The following ELAVL4 variants were observed in gnomAD, a reference collection of about 807,000 sequenced individuals.
ELAVL4 encodes the protein ELAV-like protein 4.
A neutral mutation model predicts 35.6 loss-of-function variants in ELAVL4; 1 was observed. The observed-to-expected ratio is 0.03, with a 90% CI of 0.01 to 0.13. The LOEUF (loss-of-function observed/expected upper bound fraction) is 0.13. Among genes scored for constraint, ELAVL4 ranks in the 10% least tolerant of loss-of-function variants. ELAVL4 has a pLI of 1.00. For missense variants in ELAVL4, 267 were observed against 464.9 expected, an observed-to-expected ratio of 0.57 and a Z score of 3.91; for synonymous variants, 156 against 171.0, an observed-to-expected ratio of 0.91 and a Z score of 0.69.
At chr1:50,114,150 TTG>T (rs1298346065) in intron 1 of ELAVL4, among the ~76,000 whole-genome samples, 2 of 152,152 alleles carry the variant, frequency 1.3e-5, no homozygotes, top group African/African-American at 4.8e-5. Flanking sequence ...ATAACAATGT[TTG>T]TGAGCTAAAA....
At chr1:50,169,639 C>T (rs1297930797) in intron 2 of ELAVL4, among the ~76,000 whole-genome samples, 1 of 152,170 alleles carries the variant, frequency 6.6e-6, no homozygotes, top group African/African-American at 2.4e-5. Context: ...AACACATGCT[C>T]ACTAAATATC....
At chr1:50,086,468 TTCA>T (rs1464767285) in intron 1 of ELAVL4, among the ~76,000 whole-genome samples, 6 of 126,436 alleles carry the variant, frequency 4.7e-5, no homozygotes, top group Non-Finnish European at 6.6e-5. Context: ...CTTGGAACCA[TTCA>T]GCTTTTATAT....
chr1:50,130,493 T>A (rs1413829464), intron 1 of ELAVL4, among the ~76,000 whole-genome samples: 1 of 152,186 alleles, frequency 6.6e-6, no homozygotes, highest in African/African-American at 2.4e-5. Flanking sequence ...CCATTTCTTA[T>A]TAGTACCATT....
At chr1:50,114,251 G>T (rs893906719) in intron 1 of ELAVL4, among the ~76,000 whole-genome samples, 1 of 152,060 alleles carries the variant, frequency 6.6e-6, no homozygotes, top group South Asian at 2.1e-4. Context: ...GGGGGCGGTG[G>T]GCAGGATGTT....
chr1:50,139,590 T>C (rs1347309868), intron 1 of ELAVL4, among the ~76,000 whole-genome samples: 1 of 152,198 alleles, frequency 6.6e-6, no homozygotes, highest in Non-Finnish European at 1.5e-5. Flanking sequence ...CTAGCCATAG[T>C]GGAAGTAAAC....
At chr1:50,147,008 G>A (rs1365743342) in intron 2 of ELAVL4, among the ~76,000 whole-genome samples, 1 of 152,040 alleles carries the variant, frequency 6.6e-6, no homozygotes, top group Non-Finnish European at 1.5e-5. Context: ...AGGAGTGACA[G>A]CTTCGAAGAC....
chr1:50,125,385 AT>A (rs1669733152), intron 1 of ELAVL4, among the ~76,000 whole-genome samples: 1 of 152,058 alleles, frequency 6.6e-6, no homozygotes, highest in Admixed American at 6.5e-5. Flanking sequence ...TGAGGCCACA[AT>A]AGTTCAGCCA....
chr1:50,165,717 T>C (rs1290172147), intron 2 of ELAVL4, among the ~76,000 whole-genome samples: 1 of 148,160 alleles, frequency 6.7e-6, no homozygotes, highest in Non-Finnish European at 1.5e-5. Flanking sequence ...TACTTATATA[T>C]GTATATACAT....
chr1:50,068,023 T>C (rs1010201422), intron 1 of ELAVL4, among the ~76,000 whole-genome samples: 1 of 152,186 alleles, frequency 6.6e-6, no homozygotes, highest in African/African-American at 2.4e-5. Flanking sequence ...ATGGGAACTA[T>C]AATTCAAGAT....
At chr1:50,119,036 AAAAGAAAGAAAG>A (rs531184149) in intron 1 of ELAVL4, among the ~76,000 whole-genome samples, 5,423 of 127,212 alleles carry the variant, frequency 0.043, 172 homozygotes, top group African/African-American at 0.087. Flanking sequence ...GAAAGAAAGA[AAAAGAAAGAAAG>A]AAAGAAAGAA....
chr1:50,137,272 T>C (rs1342012683), intron 1 of ELAVL4, among the ~76,000 whole-genome samples: 1 of 152,120 alleles, frequency 6.6e-6, no homozygotes, highest in African/African-American at 2.4e-5. Context: ...AAGAAGACTA[T>C]GGTAGCAACA....
intron 1 of ELAVL4, among the ~76,000 whole-genome samples, chr1:50,071,795 G>A (rs1467653263): frequency 6.6e-6 from 1 of 152,094 alleles, no homozygotes; most frequent in Non-Finnish European, 1.5e-5. Flanking sequence ...TTCCTTGGGT[G>A]TAAAATGAGG....
In ELAVL4 at chr1:50,201,390, G is replaced by GA. The variant is rs370348543; in HGVS notation, c.*224dup. 18,671 of 235,028 alleles carry GA rather than the reference G, an allele frequency of 0.079. 1 individual carries two copies. The highest frequency in any genetic ancestry group is 0.13 in the East Asian group (1,431 of 11,210). 14.6% of individuals were successfully genotyped at this position (235,028 alleles called of 1,614,324 possible). ...GGATTTTATAATGCTTAGAAAAAAAGAAAAAAAAAAAACAAAAAATACCTT... is the reference window on the plus strand; with the variant it reads ...GGATTTTATAATGCTTAGAAAAAAAGAAAAAAAAAAAAACAAAAAATACCTT... On this transcript the variant is annotated 3_prime_UTR_variant, in exon 7 of 7. Transcript: ENST00000371824. This position sits in a 1 kb window ranked among gnomAD's most constrained non-coding sequence, Gnocchi z 4.3.
chr1:50,107,441 A>C (rs1666428230), upstream of ELAVL4, among the ~76,000 whole-genome samples: 1 of 152,186 alleles, frequency 6.6e-6, no homozygotes, highest in African/African-American at 2.4e-5. Flanking sequence ...TGAAGTGTGA[A>C]TATATATGTA....
chr1:50,104,546 G>T (rs530663708), upstream of ELAVL4, among the ~76,000 whole-genome samples: 2 of 152,278 alleles, frequency 1.3e-5, no homozygotes, highest in Admixed American at 6.5e-5. Context: ...ATTGTGTATG[G>T]CTAAATACGG....
At chr1:50,103,042 C>G (rs542220742), upstream of ELAVL4, among the ~76,000 whole-genome samples, 17 of 152,222 alleles carry the variant, frequency 1.1e-4, no homozygotes, top group South Asian at 3.1e-3. Flanking sequence ...AGTAAGCATA[C>G]ACTGACTCTG....
At chr1:50,185,215 A>G (rs979715083) in intron 3 of ELAVL4, among the ~76,000 whole-genome samples, 6 of 151,928 alleles carry the variant, frequency 3.9e-5, no homozygotes, top group Admixed American at 3.3e-4. Flanking sequence ...AGAGCACCAC[A>G]CTCCTCTTCC....
chr1:50,109,781 A>G (rs1432893194), intron 1 of ELAVL4: 1 of 794,578 alleles, frequency 1.3e-6, no homozygotes, highest in East Asian at 2.7e-5. Context: ...TGACCTCATA[A>G]AAAAGAGGAG....
chr1:50,122,716 A>C (rs1669239707), intron 1 of ELAVL4, among the ~76,000 whole-genome samples: 1 of 152,096 alleles, frequency 6.6e-6, no homozygotes, highest in East Asian at 1.9e-4. Context: ...AGCAAATCCC[A>C]TGGCAGAGAC....
Sources: gnomAD v4.1 joint callset for allele counts (sites outside exome capture counted in the v4.1 genomes callset) on GRCh38, gnomAD v4.1.1 for gene constraint, Gnocchi (gnomAD v3.1) non-coding constraint, MANE v1.5 for transcripts, NCBI Gene and HGNC (gene_info 2026-07-23, HGNC 2026-07-21) for gene names.